Variants in TBC1D1 observed in about 807,000 individuals in gnomAD.
The protein encoded by TBC1D1 is TBC1 domain family member 1, also known as TBC1 (tre-2/USP6, BUB2, cdc16) domain family, member 1.
In TBC1D1, 89 loss-of-function variants were observed where a neutral mutation model predicts 125.6. That is an observed-to-expected ratio of 0.71 (90% CI 0.60 to 0.85). The LOEUF is 0.85. TBC1D1 is among the 40% of genes least tolerant of loss of function. TBC1D1 has a pLI of 0.00. For synonymous variants in TBC1D1, 565 were observed against 564.1 expected (o/e 1.00, Z -0.02); for missense variants, 1,377 against 1,469.2 (o/e 0.94, Z 1.03).
chr4:37,997,316 G>T (rs2152398720), intron 2 of TBC1D1, among the ~76,000 whole-genome samples: 1 of 152,304 alleles, frequency 6.6e-6, no homozygotes, highest in Admixed American at 6.5e-5. Context: ...AAAGTTTTTG[G>T]TTTCTGGGGT....
chr4:38,104,650 G>A (rs1760960293), intron 15 of TBC1D1, among the ~76,000 whole-genome samples: 1 of 152,186 alleles, frequency 6.6e-6, no homozygotes, highest in Non-Finnish European at 1.5e-5. Flanking sequence ...CTGCAGCCAC[G>A]ACAGAGGATG....
At chr4:37,998,529 G>A (rs1738317056) in intron 2 of TBC1D1, among the ~76,000 whole-genome samples, 1 of 152,058 alleles carries the variant, frequency 6.6e-6, no homozygotes, top group Admixed American at 6.6e-5. Context: ...CTGACCAACC[G>A]GGCCTCCTTG....
chr4:37,991,363 C>G (rs1191809839), intron 2 of TBC1D1, among the ~76,000 whole-genome samples: 1 of 152,182 alleles, frequency 6.6e-6, no homozygotes, highest in Non-Finnish European at 1.5e-5. Context: ...CTCCGCTGAT[C>G]TGGGGGCTCT....
chr4:37,936,856 T>C (rs986643617), intron 2 of TBC1D1, among the ~76,000 whole-genome samples: 2 of 152,194 alleles, frequency 1.3e-5, no homozygotes, highest in Non-Finnish European at 1.5e-5. Context: ...TAATACTTTA[T>C]TGAATGAACT....
At chr4:38,044,677 A>T (rs1213704458) in intron 9 of TBC1D1, among the ~76,000 whole-genome samples, 187 bp downstream of exon 9, 1 of 152,004 alleles carries the variant, frequency 6.6e-6, no homozygotes, top group African/African-American at 2.4e-5. Flanking sequence ...GCCTAGGTTT[A>T]AAAAAAATAT....
chr4:38,107,764 G>T (rs773094369), intron 15 of TBC1D1, among the ~76,000 whole-genome samples: 2 of 151,952 alleles, frequency 1.3e-5, no homozygotes, highest in Non-Finnish European at 2.9e-5. Context: ...GGATGAATGA[G>T]CCCTTAAGAG....
chr4:38,049,704 CTCGG>C lies in TBC1D1; in HGVS notation c.1717_1720del (p.Ser573ArgfsTer24). 6.2e-7 allele frequency: 1 copy of C among 1,614,184 alleles called. No individual in the cohort carries two copies. Among genetic ancestry groups the C allele is most frequent in the Non-Finnish European group, 8.5e-7 (1 of 1,180,026 alleles). ...GCTCCTCGGAGGACCTGTCCAGTGA[CTCGG>C]AGAGTCATCTCCCAGAAGAGCCAGC... On this transcript the variant is annotated frameshift_variant, in exon 11 of 20. Transcript: ENST00000261439. LOFTEE classifies it high-confidence loss of function.
rs149905228 is a variant in TBC1D1, at chr4:37,963,597, C to A, written c.418-50912C>A. Among the ~76,000 whole-genome samples the A allele has an allele frequency of 8.4e-3, 1,273 of 152,238 alleles. 11 individuals are homozygous for A. Among genetic ancestry groups the A allele is most frequent in the African/African-American group, 0.029 (1,204 of 41,532 alleles). On this transcript the variant is annotated intron_variant, in intron 2 of 19. Transcript: ENST00000261439. ...GCTTCAGCCCAGGAGGTGAAGGTTG[C>A]GGTGAGCCGAGATCACGCCACTGCA...
At position 37,977,586 on chromosome 4, in the gene TBC1D1, G is replaced by T; in HGVS notation, c.418-36923G>T. 1 of 562,230 alleles carries T rather than the reference G, an allele frequency of 1.8e-6. No homozygotes were observed. The highest frequency in any genetic ancestry group is 7.3e-5 in the South Asian group (1 of 13,630). 34.8% of individuals were successfully genotyped at this position (562,230 alleles called of 1,614,324 possible). A position where few individuals can be genotyped will look rare whatever the true frequency, so the allele number is the denominator to read the frequency against. ...GAGCGGAGCGGCAGGCGCGGGGCTG[G>T]AACATTTGTAACCTTCGGGCCGGGG... is the stretch of plus-strand genomic sequence containing the variant. On this transcript the variant is annotated intron_variant, in intron 2 of 19. Transcript: ENST00000261439. This position sits in a 1 kb window ranked among gnomAD's most constrained non-coding sequence, Gnocchi z 4.3.
intron 1 of TBC1D1, among the ~76,000 whole-genome samples, chr4:37,898,750 A>C (rs3893296): frequency 0.29 from 44,832 of 152,002 alleles, 6,873 homozygotes; most frequent in Admixed American, 0.33. Context: ...TACCAGCAGG[A>C]TAACTGTGGC....
chr4:38,002,366 A>G (rs1304029985), intron 2 of TBC1D1, among the ~76,000 whole-genome samples: 1 of 152,202 alleles, frequency 6.6e-6, no homozygotes, highest in Non-Finnish European at 1.5e-5. Flanking sequence ...CTTATAATAC[A>G]AAAGGAATTA....
At chr4:37,912,812 T>C (rs1718901065) in intron 2 of TBC1D1, among the ~76,000 whole-genome samples, 1 of 152,216 alleles carries the variant, frequency 6.6e-6, no homozygotes. Flanking sequence ...AGCCTTAATA[T>C]TGGGCTTCCC....
rs114601742 is a variant in TBC1D1, at chr4:37,979,499, A to C, written c.418-35010A>C. 9.2e-3 allele frequency among the ~76,000 whole-genome samples: 1,399 copies of C among 152,336 alleles called. 11 individuals carry two copies. Among genetic ancestry groups the C allele is most frequent in the Non-Finnish European group, 0.016 (1,074 of 68,032 alleles). On this transcript the variant is annotated intron_variant, in intron 2 of 19. Coordinates refer to ENST00000261439, the MANE Select transcript of TBC1D1 (RefSeq NM_015173.4). ...AAGTCATTAACACACTTTACATTAC[A>C]AACTAGGTAATATCCTAAAGACAAA...
At chr4:37,901,889 C>A in intron 1 of TBC1D1, 114 bp from the exon 2 acceptor site, 1 of 490,276 alleles carries the variant, frequency 2.0e-6, no homozygotes, top group Non-Finnish European at 3.5e-6. Flanking sequence ...CTTATTTGAA[C>A]CTCTTATTAT....
chr4:38,016,991 A>T (rs1284465379), intron 3 of TBC1D1, among the ~76,000 whole-genome samples: 2 of 152,168 alleles, frequency 1.3e-5, no homozygotes, highest in Non-Finnish European at 2.9e-5. Flanking sequence ...TGGTAAGTGC[A>T]GTGGGAGTGG....
intron 18 of TBC1D1, among the ~76,000 whole-genome samples, chr4:38,126,696 T>A (rs1014730252): frequency 6.6e-5 from 10 of 152,216 alleles, no homozygotes; most frequent in Non-Finnish European, 1.5e-4. Flanking sequence ...CCTTGCTTTT[T>A]GCCAGGTTGG....
chr4:38,078,275 A>G (rs1578581313), intron 12 of TBC1D1, among the ~76,000 whole-genome samples: 1 of 152,210 alleles, frequency 6.6e-6, no homozygotes, highest in African/African-American at 2.4e-5. Flanking sequence ...ATGCCTTTCC[A>G]TCGTAATAAA....
At chr4:38,039,409 G>A (rs538568684) in intron 8 of TBC1D1, among the ~76,000 whole-genome samples, 2 of 152,000 alleles carry the variant, frequency 1.3e-5, no homozygotes, top group East Asian at 3.9e-4. Flanking sequence ...GAGCCACCGC[G>A]CCTGGCCGGC....
At chr4:37,954,625 T>A (rs941097738) in intron 2 of TBC1D1, among the ~76,000 whole-genome samples, 5 of 152,276 alleles carry the variant, frequency 3.3e-5, no homozygotes, top group Middle Eastern at 3.4e-3. Context: ...TGAGGATACC[T>A]TTGAGGTGAT....
Sources: allele counts gnomAD v4.1 joint callset (sites outside exome capture counted in the v4.1 genomes callset), GRCh38; gene constraint gnomAD v4.1.1; non-coding constraint Gnocchi (gnomAD v3.1); transcripts MANE v1.5; gene names NCBI Gene and HGNC (gene_info 2026-07-23, HGNC 2026-07-21).